The following COQ4 variants were observed in gnomAD, a reference collection of about 807,000 sequenced individuals.
COQ4 encodes the protein coenzyme Q4.
A neutral mutation model predicts 30.2 loss-of-function variants in COQ4; 36 were observed. The ratio of observed to expected loss-of-function variants is 1.19; its 90% CI spans 0.91 to 1.57. The LOEUF (loss-of-function observed/expected upper bound fraction) is 1.57, where lower values mean the gene tolerates loss of function less well. Among genes scored for constraint, COQ4 ranks in the 40% most tolerant of loss-of-function variants. The probability of loss-of-function intolerance (pLI) is 0.00; values close to 1 mark genes in which losing one functional copy is unlikely to be tolerated. For missense variants in COQ4, 369 were observed against 371.9 expected, an observed-to-expected ratio of 0.99 and a Z score of 0.07; for synonymous variants, 197 against 161.0, an observed-to-expected ratio of 1.22 and a Z score of -1.69.
chr9:128,322,967 C>T, intron 1 of COQ4, 39 bp downstream of exon 1: 1 of 1,605,638 alleles, frequency 6.2e-7, no homozygotes. Context: ...CGGGAAGGAG[C>T]CTGAGGGCGC....
chr9:128,323,119 G>A lies in COQ4; in HGVS notation c.174G>A (p.Ala58=), dbSNP rs1261824220. 4.3e-6 allele frequency: 7 copies of A among 1,610,128 alleles called. No individual in the cohort carries two copies. The highest frequency in any genetic ancestry group is 1.7e-5 in the Admixed American group (1 of 59,954). ...QKGLLAAGSA[A]MALYNPYRHD... is the part of the protein sequence containing the mutation. ...GGCTGTTGGCCGCCGGCTCCGCGGC[G>A]ATGGCGCTCTATAACCCCTACCGCC... The change falls in exon 2 of 7, where the codon GCG becomes GCA. Residue 58 remains alanine, a synonymous_variant. Transcript: ENST00000300452.
In COQ4 at chr9:128,323,145, A is replaced by T; in HGVS notation, c.200A>T (p.His67Leu). The change falls in exon 2 of 7, where the codon CAC becomes CTC. Residue 67 changes from histidine (H) to leucine (L), a missense_variant and splice_region_variant. His to Leu is a moderately conservative substitution (Grantham distance 99). Transcript: ENST00000300452. ...AAMALYNPYR[H>L]DMVAVLGETT... ...ATGGCGCTCTATAACCCCTACCGCC[A>T]CGGTAAGGCCGCCCGCGCCTCGCCC... 2 of 1,587,688 alleles carry T rather than the reference A, an allele frequency of 1.3e-6. No individual in the cohort carries two copies. Among genetic ancestry groups the T allele is most frequent in the Non-Finnish European group, 1.7e-6 (2 of 1,170,344 alleles).
intron 5 of COQ4, chr9:128,332,569 CAGGAACCATCCTGG>C (rs1298732452): frequency 1.5e-5 from 9 of 581,790 alleles, no homozygotes; most frequent in African/African-American, 3.7e-5. Flanking sequence ...CTAAGGCCTG[CAGGAACCATCCTGG>C]AGTGTTTAGC....
intron 2 of COQ4, among the ~76,000 whole-genome samples, 176 bp from the exon 3 acceptor site, chr9:128,324,967 T>C (rs959531856): frequency 6.6e-6 from 1 of 152,256 alleles, no homozygotes; most frequent in Non-Finnish European, 1.5e-5. Context: ...ACTATAGATA[T>C]GTATACTGAT....
chr9:128,323,443 A>C (rs980583259), intron 2 of COQ4: 17 of 501,584 alleles, frequency 3.4e-5, no homozygotes, highest in African/African-American at 2.8e-4. Flanking sequence ...ATAAGTACCG[A>C]TCAGTTTATA....
chr9:128,332,121 G>A (rs2131234439), intron 4 of COQ4, 32 bp from the exon 5 acceptor site: 1 of 1,550,376 alleles, frequency 6.5e-7, no homozygotes, highest in South Asian at 1.2e-5. Context: ...GAACCATCAG[G>A]AAGGGTTCTA....
chr9:128,327,860 C>G (rs1832347605), intron 4 of COQ4, among the ~76,000 whole-genome samples: 1 of 152,210 alleles, frequency 6.6e-6, no homozygotes, highest in East Asian at 1.9e-4. Context: ...GTGGACAAAA[C>G]CAGCAAAAAG....
chr9:128,333,760 A>G lies in COQ4; in HGVS notation c.*115A>G, dbSNP rs1391689244. Reference sequence around the variant, plus strand: ...CTTTGAACACTGACCCTTGGACAACATTTATCATAATTTGTCATAACCACT... The same window carrying G: ...CTTTGAACACTGACCCTTGGACAACGTTTATCATAATTTGTCATAACCACT... On this transcript the variant is annotated 3_prime_UTR_variant, in exon 7 of 7. Transcript: ENST00000300452. The G allele has an allele frequency of 1.0e-6, 1 of 977,604 alleles. No homozygotes were observed. Among genetic ancestry groups the G allele is most frequent in the Admixed American group, 3.5e-5 (1 of 28,604 alleles). 60.6% of individuals were successfully genotyped at this position (977,604 alleles called of 1,614,324 possible). A position where few individuals can be genotyped will look rare whatever the true frequency, so the allele number is the denominator to read the frequency against.
Position 128,327,682 on chromosome 9 carries a change from C to G in COQ4, c.402+1801C>G, listed in dbSNP as rs537174591. On this transcript the variant is annotated intron_variant, in intron 4 of 6. Transcript: ENST00000300452. ...AAGTGTGGTGGTGTATACCCATAGTCCCAGCTACCTGGGAGGGAGTTTGAG... is the reference window on the plus strand; with the variant it reads ...AAGTGTGGTGGTGTATACCCATAGTGCCAGCTACCTGGGAGGGAGTTTGAG... 1.6e-4 allele frequency among the ~76,000 whole-genome samples: 24 copies of G among 152,072 alleles called. No individual in the cohort carries two copies. In the East Asian group the frequency reaches 4.7e-3, roughly 29 times the overall value.
intron 4 of COQ4, chr9:128,331,206 A>C (rs1203056317): frequency 6.6e-6 from 1 of 152,204 alleles, no homozygotes; most frequent in African/African-American, 2.4e-5. Flanking sequence ...TGTGTATTTT[A>C]TATGATCAGC....
intron 2 of COQ4, among the ~76,000 whole-genome samples, chr9:128,324,547 C>T (rs1418001929): frequency 6.6e-6 from 1 of 152,164 alleles, no homozygotes; most frequent in Non-Finnish European, 1.5e-5. Context: ...GGCATGGTGG[C>T]TCACACCTGT....
intron 4 of COQ4, among the ~76,000 whole-genome samples, chr9:128,329,518 C>T (rs944687545): frequency 3.3e-5 from 5 of 152,096 alleles, no homozygotes; most frequent in African/African-American, 9.7e-5. Context: ...TACAGGCGCA[C>T]GCCACCAGGC....
rs1246159271 is a variant in COQ4 at position 128,332,389 on chromosome 9, A to G, written c.532+107A>G. ...CTGCATCACCTGGCTTGGTGCCTCA[A>G]TTTCTGCTTTACCTGAACATCTTAG... On this transcript the variant is annotated intron_variant, in intron 5 of 6. Coordinates refer to ENST00000300452, the MANE Select transcript of COQ4 (RefSeq NM_016035.5). The G allele has an allele frequency of 7.2e-6, 9 of 1,249,286 alleles. No homozygotes were observed. The South Asian group carries it at 8.4e-5, about 12-fold the overall frequency. 77.4% of individuals were successfully genotyped at this position (1,249,286 alleles called of 1,614,324 possible).
chr9:128,323,464 A>G, intron 2 of COQ4: 2 of 465,062 alleles, frequency 4.3e-6, no homozygotes, highest in Non-Finnish European at 7.5e-6. Flanking sequence ...ATATCCTACT[A>G]GAAAGTCAAC....
At chr9:128,325,932 A>C (rs958071474) in intron 4 of COQ4, 51 bp downstream of exon 4, 20 of 1,483,488 alleles carry the variant, frequency 1.3e-5, no homozygotes, top group Non-Finnish European at 1.8e-5. Flanking sequence ...GGACAGAGGA[A>C]TAGCACAGGC....
At chr9:128,322,992 C>G (rs761981392) in intron 1 of COQ4, 24 bp from the exon 2 acceptor site, 1 of 1,610,006 alleles carries the variant, frequency 6.2e-7, no homozygotes, top group South Asian at 1.1e-5. Flanking sequence ...CTCCTCTGAC[C>G]TCGGCCTTTT....
At chr9:128,323,187 G>C in intron 2 of COQ4, 40 bp downstream of exon 2, 4 of 1,539,526 alleles carry the variant, frequency 2.6e-6, no homozygotes, top group Non-Finnish European at 3.5e-6. Flanking sequence ...GGGCGGCTTG[G>C]AGCCGTTTCC....
intron 2 of COQ4, among the ~76,000 whole-genome samples, chr9:128,324,160 G>C (rs887789173): frequency 4.5e-4 from 69 of 152,170 alleles, no homozygotes; most frequent in African/African-American, 1.5e-3. Context: ...TGTATTTTTA[G>C]TAGAGACGGG....
chr9:128,327,320 G>A (rs998389123), intron 4 of COQ4, among the ~76,000 whole-genome samples: 7 of 151,880 alleles, frequency 4.6e-5, no homozygotes, highest in African/African-American at 1.5e-4. Flanking sequence ...GTGTGCGCCT[G>A]TAATCCCAGC....
Sources: allele counts gnomAD v4.1 joint callset (sites outside exome capture counted in the v4.1 genomes callset), GRCh38; gene constraint gnomAD v4.1.1; transcripts MANE v1.5; gene names NCBI Gene and HGNC (gene_info 2026-07-23, HGNC 2026-07-21).